The following ANKFN1 variants were observed in gnomAD, a reference collection of about 807,000 sequenced individuals.
The protein encoded by ANKFN1 is ankyrin repeat and fibronectin type-III domain-containing protein 1.
In ANKFN1, 74 loss-of-function variants were observed where a neutral mutation model predicts 108.7. That is an observed-to-expected ratio of 0.68 (90% CI 0.56 to 0.83). The LOEUF (loss-of-function observed/expected upper bound fraction) is 0.83, where lower values mean the gene tolerates loss of function less well. ANKFN1 is among the 40% of genes least tolerant of loss of function. The pLI, the probability that ANKFN1 is intolerant of heterozygous loss-of-function variation, is 0.00. For missense variants in ANKFN1, 1,505 were observed against 1,382.3 expected (o/e 1.09, Z -1.41); for synonymous variants, 547 against 516.2 (o/e 1.06, Z -0.81).
chr17:56,394,283 A>G (rs898824654), intron 8 of ANKFN1, among the ~76,000 whole-genome samples: 4 of 152,160 alleles, frequency 2.6e-5, no homozygotes, highest in African/African-American at 9.7e-5. Context: ...CTCCAAGCTC[A>G]CTGTCTTCAA....
At position 56,457,958 on chromosome 17, in the gene ANKFN1, C is replaced by T. The variant is rs770244166; in HGVS notation, c.1536C>T (p.Leu512=). 5.6e-6 allele frequency: 9 copies of T among 1,613,930 alleles called. No individual in the cohort carries two copies. Among genetic ancestry groups the T allele is most frequent in the South Asian group, 3.3e-5 (3 of 91,032 alleles). Residue 512 remains leucine, a synonymous_variant, in exon 14 of 21, where the codon CTC becomes CTT. Transcript: ENST00000682825. ...STVLQTRQKM[L]AATAQLQNLL... is the part of the protein sequence containing the mutation. ...TGCTGCAAACTCGGCAGAAGATGCT[C>T]GCAGCAACAGCACAGCTACAGGTAA...
chr17:56,452,512 C>T (rs1206482973), intron 11 of ANKFN1, among the ~76,000 whole-genome samples: 1 of 152,190 alleles, frequency 6.6e-6, no homozygotes, highest in Admixed American at 6.5e-5. Flanking sequence ...GTGTTATTAA[C>T]ATCCTCTCTC....
chr17:56,080,218 C>T (rs1416510192), intron 4 of ANKFN1, among the ~76,000 whole-genome samples: 1 of 152,150 alleles, frequency 6.6e-6, no homozygotes, highest in African/African-American at 2.4e-5. Context: ...TTTCAGAGAG[C>T]AATTAACAGT....
rs567249159 is a variant in ANKFN1 at position 56,202,227 on chromosome 17, G to A, written c.-70-10371G>A. ...GTACCCAGAGTAAATTATATAATCA[G>A]CAATAGTATCACATCCAAGAGTTAC... On this transcript the variant is annotated intron_variant, in intron 1 of 20. Coordinates refer to ENST00000682825, the MANE Select transcript of ANKFN1 (RefSeq NM_001370326.1). Among the ~76,000 whole-genome samples, 97 of 152,260 alleles carry A rather than the reference G, an allele frequency of 6.4e-4. 1 individual carries two copies. The highest frequency in any genetic ancestry group is 2.2e-3 in the African/African-American group (93 of 41,534).
At chr17:56,051,830 G>A (rs943496432) in intron 4 of ANKFN1, among the ~76,000 whole-genome samples, 3 of 151,386 alleles carry the variant, frequency 2.0e-5, no homozygotes, top group African/African-American at 7.3e-5. Flanking sequence ...TTGCTTCAAA[G>A]AGAATAAAAT....
At chr17:56,472,851 A>C (rs2050367454) in intron 15 of ANKFN1, 1 of 152,196 alleles carries the variant, frequency 6.6e-6, no homozygotes, top group Admixed American at 6.5e-5. Flanking sequence ...AGTTAAGTTA[A>C]CCAGGTGGAA....
chr17:56,418,843 G>A (rs1428506562), intron 8 of ANKFN1, among the ~76,000 whole-genome samples: 1 of 151,834 alleles, frequency 6.6e-6, no homozygotes, highest in Non-Finnish European at 1.5e-5. Flanking sequence ...AGAGTCCGAA[G>A]CCTAGGCTAG....
At chr17:56,269,836 T>C (rs1223206131) in intron 3 of ANKFN1, among the ~76,000 whole-genome samples, 1 of 152,230 alleles carries the variant, frequency 6.6e-6, no homozygotes. Flanking sequence ...CCCTCTGTTC[T>C]GTGAAGTTCT....
chr17:56,254,389 G>T (rs2144078958), intron 3 of ANKFN1, among the ~76,000 whole-genome samples: 1 of 152,324 alleles, frequency 6.6e-6, no homozygotes, highest in East Asian at 1.9e-4. Flanking sequence ...TTACAACAAA[G>T]CTGCCCTGTT....
chr17:56,501,539 C>T (rs1249223378), intron 20 of ANKFN1, among the ~76,000 whole-genome samples: 3 of 151,894 alleles, frequency 2.0e-5, no homozygotes, highest in Non-Finnish European at 2.9e-5. Flanking sequence ...GTTGAATTTG[C>T]GTTGGCTTTG....
chr17:56,342,480 AT>A (rs2045984708), intron 4 of ANKFN1, among the ~76,000 whole-genome samples: 2 of 151,946 alleles, frequency 1.3e-5, no homozygotes, highest in South Asian at 4.1e-4. Context: ...TGTCCCAGAG[AT>A]TCTGGTACAT....
chr17:56,477,092 G>T (rs2050526259), intron 15 of ANKFN1, among the ~76,000 whole-genome samples: 1 of 152,070 alleles, frequency 6.6e-6, no homozygotes, highest in South Asian at 2.1e-4. Context: ...TAACTGTGCT[G>T]TCAGCTTTTA....
chr17:56,091,263 CA>C lies in ANKFN1; in HGVS notation c.288+44942del, dbSNP rs1294147799. Reference sequence around the variant, plus strand: ...ACAGACATATAATAAAAACGTTAATCAAAACTGTAAAACACAATGAAACTGT... The same window carrying C: ...ACAGACATATAATAAAAACGTTAATCAAACTGTAAAACACAATGAAACTGT... On this transcript the variant is annotated intron_variant, in intron 4 of 12. Coordinates refer to the ANKFN1 transcript ENST00000635860. Among the ~76,000 whole-genome samples the C allele has an allele frequency of 1.3e-5, 2 of 150,888 alleles. 1 individual carries two copies. Among genetic ancestry groups the C allele is most frequent in the Non-Finnish European group, 3.0e-5 (2 of 67,592 alleles).
At chr17:56,122,692 C>T (rs554066791) in intron 4 of ANKFN1, among the ~76,000 whole-genome samples, 59 of 152,202 alleles carry the variant, frequency 3.9e-4, no homozygotes, top group African/African-American at 1.4e-3. Context: ...CTCTGGCCAT[C>T]AGAAAGAAAG....
intron 4 of ANKFN1, among the ~76,000 whole-genome samples, chr17:56,106,941 A>G (rs757455202): frequency 4.6e-5 from 7 of 152,224 alleles, no homozygotes; most frequent in Non-Finnish European, 1.0e-4. Context: ...AGGTTTTTAC[A>G]GTTGAAATAC....
intron 1 of ANKFN1, among the ~76,000 whole-genome samples, chr17:56,176,012 C>A (rs945577716): frequency 6.6e-6 from 1 of 151,310 alleles, no homozygotes; most frequent in Non-Finnish European, 1.5e-5. Flanking sequence ...TTATGATCTC[C>A]TAATTTAAAT....
intron 3 of ANKFN1, among the ~76,000 whole-genome samples, chr17:56,273,664 T>C (rs369574130): frequency 6.6e-6 from 1 of 152,086 alleles, no homozygotes. Flanking sequence ...AAAAAAGATA[T>C]AAAGAAAAAA....
At chr17:56,126,557 T>C (rs780175935) in intron 4 of ANKFN1, among the ~76,000 whole-genome samples, 45 of 152,270 alleles carry the variant, frequency 3.0e-4, no homozygotes, top group Non-Finnish European at 5.0e-4. Flanking sequence ...ACAGAATTCT[T>C]TCATGTCTAT....
At chr17:56,497,041 A>T (rs994623875) in intron 19 of ANKFN1, among the ~76,000 whole-genome samples, 6 of 152,124 alleles carry the variant, frequency 3.9e-5, no homozygotes, top group Non-Finnish European at 7.4e-5. Context: ...AAAGCAAAAA[A>T]ATACCAAAAC....
Sources: allele counts gnomAD v4.1 joint callset (sites outside exome capture counted in the v4.1 genomes callset), GRCh38; gene constraint gnomAD v4.1.1; transcripts MANE v1.5; gene names NCBI Gene and HGNC (gene_info 2026-07-23, HGNC 2026-07-21).